NFATC2: variants seen among roughly 807,000 people sequenced by gnomAD.
NFATC2 encodes the protein nuclear factor of activated T-cells, cytoplasmic 2.
Under a neutral mutation model 87.3 loss-of-function variants are expected in NFATC2, and 22 were observed. The observed-to-expected ratio is 0.25, with a 90% CI of 0.18 to 0.36. The LOEUF is 0.36. Ranked by LOEUF, NFATC2 falls within the 10% of genes least tolerant of loss-of-function variation. The pLI is 1.00. For missense variants in NFATC2, 1,149 were observed against 1,259.1 expected, an observed-to-expected ratio of 0.91 and a Z score of 1.32; for synonymous variants, 565 against 542.2, an observed-to-expected ratio of 1.04 and a Z score of -0.58.
At chr20:51,401,862 A>G (rs536785139) in intron 9 of NFATC2, among the ~76,000 whole-genome samples, 2 of 2,542 alleles carry the variant, frequency 7.9e-4, no homozygotes, top group South Asian at 0.038. Flanking sequence ...GTGTCAACAA[A>G]TAGCCATTAC....
chr20:51,542,852 C>T (rs1302100365), upstream of NFATC2: 5 of 465,984 alleles, frequency 1.1e-5, no homozygotes, highest in Admixed American at 6.4e-5. Flanking sequence ...CTGGGCTGGC[C>T]GGTGCCGGGA....
Position 51,523,030 on chromosome 20 carries a change from C to G in NFATC2, c.1160+51G>C. ...AATCCCATGCTCATAACCAGAAAAC[C>G]ATCTCTTAAAACTAAACCACAGAAT... On this transcript the variant is annotated intron_variant, in intron 2 of 10. Coordinates refer to ENST00000371564, the MANE Select transcript of NFATC2 (RefSeq NM_012340.5). This position sits in a 1 kb window ranked among gnomAD's most constrained non-coding sequence, Gnocchi z 6.9. The G allele has an allele frequency of 6.2e-7, 1 of 1,607,064 alleles. No homozygotes were observed. Among genetic ancestry groups the G allele is most frequent in the Non-Finnish European group, 8.5e-7 (1 of 1,178,074 alleles).
rs541074587 is a variant in NFATC2 at position 51,388,768 on chromosome 20, G to A, written c.*2728C>T. ...TCAGCAACACGGTAGACCTGTCAGAGTGCTACATATTTACATTAACTTAGA... is the reference window on the plus strand; with the variant it reads ...TCAGCAACACGGTAGACCTGTCAGAATGCTACATATTTACATTAACTTAGA... On this transcript the variant is annotated 3_prime_UTR_variant, in exon 11 of 11. Transcript: ENST00000371564. 6.6e-6 allele frequency: 1 copy of A among 152,332 alleles called. No individual in the cohort carries two copies. Among genetic ancestry groups the A allele is most frequent in the African/African-American group, 2.4e-5 (1 of 41,572 alleles). 9.4% of individuals were successfully genotyped at this position (152,332 alleles called of 1,614,324 possible). A position where few individuals can be genotyped will look rare whatever the true frequency, so the allele number is the denominator to read the frequency against.
chr20:51,446,473 G>A (rs1985069708), intron 6 of NFATC2, among the ~76,000 whole-genome samples: 1 of 152,178 alleles, frequency 6.6e-6, no homozygotes, highest in Non-Finnish European at 1.5e-5. Flanking sequence ...GGCCGAGTCT[G>A]CTGGGTGATT....
intron 9 of NFATC2, among the ~76,000 whole-genome samples, chr20:51,415,258 A>C (rs1979884484): frequency 6.6e-6 from 1 of 151,008 alleles, no homozygotes; most frequent in South Asian, 2.1e-4. Flanking sequence ...AAAAAAAAAA[A>C]AAAAATTCTA....
chr20:51,499,791 T>C (rs1457470681), intron 3 of NFATC2, among the ~76,000 whole-genome samples: 1 of 152,028 alleles, frequency 6.6e-6, no homozygotes, highest in Non-Finnish European at 1.5e-5. Context: ...TCTAAAACAC[T>C]TCTGCTTCCT....
intron 3 of NFATC2, among the ~76,000 whole-genome samples, chr20:51,481,707 G>T (rs796769691): frequency 3.3e-5 from 5 of 152,080 alleles, no homozygotes; most frequent in African/African-American, 1.2e-4. Flanking sequence ...TGCAGGCTTG[G>T]GGGCATCATT....
chr20:51,517,517 A>G lies in NFATC2; in HGVS notation c.1161-562T>C, dbSNP rs546485112. ...TGAGGTGGGAAGATCATCTGAGCCC[A>G]GGAGGTCAAGGTTGCAATGAGCTGT... On this transcript the variant is annotated intron_variant, in intron 2 of 10. Coordinates refer to ENST00000371564, the MANE Select transcript of NFATC2 (RefSeq NM_012340.5). Among the ~76,000 whole-genome samples, 4 of 151,966 alleles carry G rather than the reference A, an allele frequency of 2.6e-5. No homozygotes were observed. The South Asian group carries it at 8.4e-4, about 32-fold the overall frequency.
At chr20:51,403,019 A>T (rs1271060974) in intron 9 of NFATC2, among the ~76,000 whole-genome samples, 1 of 152,164 alleles carries the variant, frequency 6.6e-6, no homozygotes, top group Non-Finnish European at 1.5e-5. Flanking sequence ...GGACCAGCTC[A>T]CAGCACAGGC....
At chr20:51,508,917 C>A (rs2146662186) in intron 3 of NFATC2, among the ~76,000 whole-genome samples, 1 of 152,260 alleles carries the variant, frequency 6.6e-6, no homozygotes, top group South Asian at 2.1e-4. Context: ...CACACCCCAG[C>A]AGAGGGATCC....
intron 9 of NFATC2, among the ~76,000 whole-genome samples, chr20:51,429,747 A>G (rs1455765297): frequency 6.6e-6 from 1 of 152,140 alleles, no homozygotes; most frequent in Non-Finnish European, 1.5e-5. Flanking sequence ...CAAAAACAAA[A>G]AACTTGGTTT....
At chr20:51,527,611 G>A (rs1377942301) in intron 1 of NFATC2, among the ~76,000 whole-genome samples, 2 of 152,220 alleles carry the variant, frequency 1.3e-5, no homozygotes, top group South Asian at 2.1e-4. Context: ...CAGAAAGGAT[G>A]TGTTGGCTGA....
upstream of NFATC2, among the ~76,000 whole-genome samples, chr20:51,545,208 T>C (rs1258637396): frequency 6.6e-6 from 1 of 152,162 alleles, no homozygotes; most frequent in African/African-American, 2.4e-5. Flanking sequence ...CCTCCCCACA[T>C]CCTTTCTCGT....
chr20:51,562,681 T>A, upstream of NFATC2: 2 of 1,510,366 alleles, frequency 1.3e-6, no homozygotes, highest in East Asian at 2.5e-5. The surrounding 1 kb of genome is among the most constrained non-coding windows in gnomAD (Gnocchi z 5.8). Context: ...TCTGTTTGTA[T>A]CGACCAGCAG....
intron 3 of NFATC2, among the ~76,000 whole-genome samples, chr20:51,488,871 C>T (rs1270657734): frequency 6.6e-6 from 1 of 152,192 alleles, no homozygotes; most frequent in African/African-American, 2.4e-5. Flanking sequence ...CTTAAAATCC[C>T]CCCATGGCTT....
At chr20:51,408,512 T>TA (rs11480882) in intron 9 of NFATC2, among the ~76,000 whole-genome samples, 2,626 of 137,136 alleles carry the variant, frequency 0.019, 68 homozygotes, top group African/African-American at 0.022. Flanking sequence ...AGACTCTTTT[T>TA]AAAAAAAAAA....
Position 51,432,472 on chromosome 20 carries a change from C to A in NFATC2, c.2317G>T (p.Ala773Ser). The A allele has an allele frequency of 6.4e-7, 1 of 1,555,590 alleles. No individual in the cohort carries two copies. Among genetic ancestry groups the A allele is most frequent in the Non-Finnish European group, 8.7e-7 (1 of 1,150,536 alleles). Residue 773 changes from alanine (A) to serine (S), a missense_variant, in exon 9 of 11, where the codon GCC (alanine) becomes TCC (serine). By Grantham distance (99) the Ala-to-Ser change is moderately conservative (BLOSUM62 1). Transcript: ENST00000371564. This position sits in a 1 kb window ranked among gnomAD's most constrained non-coding sequence, Gnocchi z 4.6. ...LGYQQPALMA[A>S]PLSLADAHRS... ...TGAGCGTCCGCAAGGGACAGCGGGG[C>A]GGCCATGAGGGCCGGCTGCTGATAG...
chr20:51,526,480 G>T (rs1002741064), intron 1 of NFATC2, among the ~76,000 whole-genome samples: 1 of 152,142 alleles, frequency 6.6e-6, no homozygotes, highest in African/African-American at 2.4e-5. Context: ...TGTTGGGCCC[G>T]TGTCACTGTG....
intron 5 of NFATC2, among the ~76,000 whole-genome samples, chr20:51,472,048 T>C (rs895155938): frequency 6.6e-6 from 1 of 151,984 alleles, no homozygotes; most frequent in African/African-American, 2.4e-5. Context: ...AGGTCAGGAG[T>C]TCGAGACCAG....
Sources: gnomAD v4.1 joint callset for allele counts (sites outside exome capture counted in the v4.1 genomes callset) on GRCh38, gnomAD v4.1.1 for gene constraint, Gnocchi (gnomAD v3.1) non-coding constraint, MANE v1.5 for transcripts, NCBI Gene and HGNC (gene_info 2026-07-23, HGNC 2026-07-21) for gene names.